Variants in DOC2A observed in about 807,000 individuals in gnomAD.
DOC2A encodes double C2-like domain-containing protein alpha.
DOC2A carries 28 observed loss-of-function variants against 40.6 expected under a neutral mutation model. The ratio of observed to expected loss-of-function variants is 0.69; its 90% CI spans 0.51 to 0.95. The LOEUF is 0.95. Among genes scored for constraint, DOC2A ranks in the 40% least tolerant of loss-of-function variants. The pLI is 0.00. For missense variants in DOC2A, 474 were observed against 552.5 expected, an observed-to-expected ratio of 0.86 and a Z score of 1.42; for synonymous variants, 241 against 236.9, an observed-to-expected ratio of 1.02 and a Z score of -0.16.
In DOC2A at chr16:30,006,518, A is replaced by G. The variant is rs754224971; in HGVS notation, c.961-9T>C. On this transcript the variant is annotated splice_polypyrimidine_tract_variant and intron_variant, in intron 9 of 10. Transcript: ENST00000350119. The surrounding 1 kb of genome is among the most constrained non-coding windows in gnomAD (Gnocchi z 6.2). ...ATCTCGTAGAAAAACTCCTAGGGACAAGGCCGGCCACCCGTTCGTGAGCCA... is the reference window on the plus strand; with the variant it reads ...ATCTCGTAGAAAAACTCCTAGGGACGAGGCCGGCCACCCGTTCGTGAGCCA... 8 of 1,613,532 alleles carry G rather than the reference A, an allele frequency of 5.0e-6. No individual in the cohort carries two copies. The Admixed American group carries it at 8.3e-5, about 17-fold the overall frequency.
Position 30,006,128 on chromosome 16 carries a change from G to T in DOC2A, c.*58C>A. The T allele has an allele frequency of 6.6e-7, 1 of 1,526,184 alleles. No individual in the cohort carries two copies. The allele number at this position is 1,526,184 out of a possible 1,614,324, so 94.5% of individuals were successfully genotyped here. ...CTGTGTAAACGTGCAACACACTCGT[G>T]CGAAGGTTGGGTACTGGACCCGGCT... On this transcript the variant is annotated 3_prime_UTR_variant, in exon 11 of 11. Transcript: ENST00000350119. This position sits in a 1 kb window ranked among gnomAD's most constrained non-coding sequence, Gnocchi z 6.2.
In DOC2A at chr16:30,009,826, C is replaced by T. The variant is rs1043126001; in HGVS notation, c.262+135G>A. 6.5e-6 allele frequency: 7 copies of T among 1,070,696 alleles called. No homozygotes were observed. Among genetic ancestry groups the T allele is most frequent in the East Asian group, 5.1e-5 (2 of 39,112 alleles). 66.3% of individuals were successfully genotyped at this position (1,070,696 alleles called of 1,614,324 possible). A position where few individuals can be genotyped will look rare whatever the true frequency, so the allele number is the denominator to read the frequency against. ...CCACGCTGACTGCAGCTGTGGTGGC[C>T]GTCCCTGCCACCCCCCCACTGCCCT... On this transcript the variant is annotated intron_variant, in intron 2 of 10. Coordinates refer to ENST00000350119, the MANE Select transcript of DOC2A (RefSeq NM_003586.3). This position sits in a 1 kb window ranked among gnomAD's most constrained non-coding sequence, Gnocchi z 4.1.
chr16:30,012,946 G>C (rs932341522), upstream of DOC2A, among the ~76,000 whole-genome samples: 9 of 151,744 alleles, frequency 5.9e-5, no homozygotes, highest in Non-Finnish European at 1.2e-4. Flanking sequence ...AGCTGAGATC[G>C]TGCCACTGCA....
upstream of DOC2A, chr16:30,011,046 G>T: frequency 4.1e-6 from 4 of 984,498 alleles, no homozygotes; most frequent in Non-Finnish European, 4.8e-6. Flanking sequence ...GGGGGTGAGC[G>T]AGGTGGAGGC....
intron 1 of DOC2A, among the ~76,000 whole-genome samples, chr16:30,017,337 C>T (rs1286178015): frequency 1.3e-5 from 2 of 151,618 alleles, no homozygotes; most frequent in Non-Finnish European, 2.9e-5. Context: ...AAGACACCTG[C>T]ACTTGTGTGT....
In DOC2A at chr16:30,006,459, T is replaced by C; in HGVS notation, c.1011A>G (p.Glu337=). 1 of 1,613,434 alleles carries C rather than the reference T, an allele frequency of 6.2e-7. No homozygotes were observed. Among genetic ancestry groups the C allele is most frequent in the Non-Finnish European group, 8.5e-7 (1 of 1,179,868 alleles). Residue 337 remains glutamate, a synonymous_variant, in exon 10 of 11, where the codon GAA becomes GAG. Transcript: ENST00000350119. This position sits in a 1 kb window ranked among gnomAD's most constrained non-coding sequence, Gnocchi z 6.2. ...ELSTLATKTL[E]VTVWDYDIGK... The stretch of plus-strand genomic sequence containing the variant: ...CAATGTCATAGTCCCAGACGGTGAC[T>C]TCCAGGGTCTTGGTGGCCAGAGTGG...
At position 30,005,764 on chromosome 16, in the gene DOC2A, G is replaced by A. The variant is rs1226794346; in HGVS notation, c.*422C>T. 8.4e-6 allele frequency: 4 copies of A among 474,454 alleles called. No individual in the cohort carries two copies. Among genetic ancestry groups the A allele is most frequent in the Non-Finnish European group, 1.5e-5 (4 of 267,648 alleles). The allele number at this position is 474,454 out of a possible 1,614,324, so 29.4% of individuals were successfully genotyped here. A position where few individuals can be genotyped will look rare whatever the true frequency, so the allele number is the denominator to read the frequency against. On this transcript the variant is annotated 3_prime_UTR_variant, in exon 11 of 11. Coordinates refer to ENST00000350119, the MANE Select transcript of DOC2A (RefSeq NM_003586.3). ...TACAGGGCTAGGTTTTTTCAATGAAGTTTCTGTATTAAAGGAGTGGCTCTG... is the reference window on the plus strand; with the variant it reads ...TACAGGGCTAGGTTTTTTCAATGAAATTTCTGTATTAAAGGAGTGGCTCTG...
chr16:30,007,002 T>G, intron 7 of DOC2A, 29 bp downstream of exon 7: 2 of 1,613,700 alleles, frequency 1.2e-6, no homozygotes, highest in Non-Finnish European at 1.7e-6. Context: ...CCCACCCACA[T>G]GCATCCCCAT....
upstream of DOC2A, among the ~76,000 whole-genome samples, chr16:30,013,908 T>C (rs2070826489): frequency 6.6e-6 from 1 of 151,952 alleles, no homozygotes; most frequent in Non-Finnish European, 1.5e-5. Context: ...GTAGAGACGG[T>C]GTTTCACCAT....
At chr16:30,011,148 G>C, upstream of DOC2A, 1 of 703,474 alleles carries the variant, frequency 1.4e-6, no homozygotes, top group Non-Finnish European at 1.7e-6. Context: ...GGGCCCGCTC[G>C]GGAGCGCACG....
At chr16:30,013,263 T>C (rs536967717), upstream of DOC2A, among the ~76,000 whole-genome samples, 2 of 148,842 alleles carry the variant, frequency 1.3e-5, no homozygotes, top group Non-Finnish European at 3.0e-5. Flanking sequence ...TCTTTTTTTT[T>C]CTTTTCTTTT....
upstream of DOC2A, among the ~76,000 whole-genome samples, chr16:30,022,331 T>C (rs1203598621): frequency 1.4e-5 from 2 of 144,724 alleles, no homozygotes; most frequent in African/African-American, 2.6e-5. Context: ...TTGTGCAAGG[T>C]ACTTGGCCAT....
At position 30,005,759 on chromosome 16, in the gene DOC2A, A is replaced by G. The variant is rs777928473; in HGVS notation, c.*427T>C. ...AGCTGTACAGGGCTAGGTTTTTTCA[A>G]TGAAGTTTCTGTATTAAAGGAGTGG... On this transcript the variant is annotated 3_prime_UTR_variant, in exon 11 of 11. Transcript: ENST00000350119. 53 of 469,008 alleles carry G rather than the reference A, an allele frequency of 1.1e-4. No individual in the cohort carries two copies. Among genetic ancestry groups the G allele is most frequent in the African/African-American group, 5.1e-4 (25 of 49,386 alleles). The allele number at this position is 469,008 out of a possible 1,614,324, so 29.1% of individuals were successfully genotyped here.
chr16:30,013,828 C>T (rs557414063), upstream of DOC2A, among the ~76,000 whole-genome samples: 6 of 151,948 alleles, frequency 3.9e-5, no homozygotes, highest in East Asian at 1.2e-3. Flanking sequence ...AATTCTCCTG[C>T]CTCAGCCTCC....
intron 5 of DOC2A, chr16:30,008,754 C>T: frequency 1.5e-5 from 7 of 468,786 alleles, no homozygotes; most frequent in South Asian, 1.4e-4. Context: ...GATCCGCCCA[C>T]CTCGGCCTCC....
At chr16:30,012,196 C>T (rs1374144180), upstream of DOC2A, 1 of 152,280 alleles carries the variant, frequency 6.6e-6, no homozygotes. Flanking sequence ...CTCACATGCG[C>T]TCCTCTACCT....
rs1206806616 is a variant in DOC2A at position 30,006,774 on chromosome 16, C to T, written c.878+11G>A. ...CTCCCTGGGGAGGAGAGGGTCAGAGCAAGGGCTCACGTCTTGACGTAGGGG... is the reference window on the plus strand; with the variant it reads ...CTCCCTGGGGAGGAGAGGGTCAGAGTAAGGGCTCACGTCTTGACGTAGGGG... On this transcript the variant is annotated intron_variant, in intron 8 of 10. Transcript: ENST00000350119. This position sits in a 1 kb window ranked among gnomAD's most constrained non-coding sequence, Gnocchi z 6.2. The T allele has an allele frequency of 6.2e-7, 1 of 1,613,886 alleles. No individual in the cohort carries two copies. The highest frequency in any genetic ancestry group is 8.5e-7 in the Non-Finnish European group (1 of 1,180,004).
rs1398376856 is a variant in DOC2A, at chr16:30,005,566, A to C, written c.*620T>G. 1 of 977,884 alleles carries C rather than the reference A, an allele frequency of 1.0e-6. No individual in the cohort carries two copies. The highest frequency in any genetic ancestry group is 1.5e-6 in the Non-Finnish European group (1 of 648,938). The allele number at this position is 977,884 out of a possible 1,614,324, so 60.6% of individuals were successfully genotyped here. The stretch of plus-strand genomic sequence containing the variant: ...GCTGCCATGCTCCGGCCACTGACAC[A>C]ACCAGAAAAGGCGTAAACATGCACG... On this transcript the variant is annotated 3_prime_UTR_variant, in exon 11 of 11. Transcript: ENST00000350119.
chr16:30,013,163 A>AAC (rs1461029028), upstream of DOC2A, among the ~76,000 whole-genome samples: 11 of 147,116 alleles, frequency 7.5e-5, no homozygotes, highest in Admixed American at 2.0e-4. Context: ...CTCTACAAAA[A>AAC]AAAAAAAAAA....
Sources: gnomAD v4.1 joint callset for allele counts (sites outside exome capture counted in the v4.1 genomes callset) on GRCh38, gnomAD v4.1.1 for gene constraint, Gnocchi (gnomAD v3.1) non-coding constraint, MANE v1.5 for transcripts, NCBI Gene and HGNC (gene_info 2026-07-23, HGNC 2026-07-21) for gene names.